CTNNA2: variants seen among roughly 807,000 people sequenced by gnomAD.
The protein encoded by CTNNA2 is catenin alpha-2.
Under a neutral mutation model 101.0 loss-of-function variants are expected in CTNNA2, and 42 were observed. The ratio of observed to expected loss-of-function variants is 0.42; its 90% CI spans 0.32 to 0.54. CTNNA2 has a LOEUF of 0.54. CTNNA2 is among the 20% of genes least tolerant of loss of function. The probability of loss-of-function intolerance (pLI) is 0.14; values close to 1 mark genes in which losing one functional copy is unlikely to be tolerated. For missense variants in CTNNA2, 871 were observed against 1,223.1 expected (o/e 0.71, Z 4.29); for synonymous variants, 450 against 456.4 (o/e 0.99, Z 0.18).
chr2:79,886,197 G>A (rs1466092877), intron 6 of CTNNA2, among the ~76,000 whole-genome samples: 1 of 152,170 alleles, frequency 6.6e-6, no homozygotes, highest in Non-Finnish European at 1.5e-5. Context: ...TGGAAGAGGA[G>A]GTAAATGAGC....
At chr2:79,856,001 T>A (rs1342687944) in intron 3 of CTNNA2, among the ~76,000 whole-genome samples, 1 of 152,194 alleles carries the variant, frequency 6.6e-6, no homozygotes, top group East Asian at 1.9e-4. Context: ...GAGGAGGAGA[T>A]GTATGTAACC....
At chr2:79,226,578 G>A (rs1476641983) in intron 2 of CTNNA2, among the ~76,000 whole-genome samples, 2 of 152,116 alleles carry the variant, frequency 1.3e-5, no homozygotes, top group Non-Finnish European at 2.9e-5. Flanking sequence ...TCAGGTGCCA[G>A]AATTTGCCGA....
intron 4 of CTNNA2, among the ~76,000 whole-genome samples, chr2:79,457,888 G>C (rs980571089): frequency 5.3e-5 from 8 of 152,216 alleles, no homozygotes; most frequent in Non-Finnish European, 8.8e-5. Context: ...ATAGTACCCT[G>C]ACTTAAAAGG....
At chr2:80,387,280 C>T (rs1286595407) in intron 7 of CTNNA2, among the ~76,000 whole-genome samples, 1 of 150,924 alleles carries the variant, frequency 6.6e-6, no homozygotes, top group African/African-American at 2.5e-5. Flanking sequence ...TAGAGCAAGA[C>T]TTTGTCTCAA....
At position 79,826,766 on chromosome 2, in the gene CTNNA2, T is replaced by G. The variant is rs918501580; in HGVS notation, c.299-31247T>G. 9.8e-4 allele frequency among the ~76,000 whole-genome samples: 149 copies of G among 152,318 alleles called. 1 individual carries two copies. Among genetic ancestry groups the G allele is most frequent in the African/African-American group, 3.5e-3 (147 of 41,558 alleles). On this transcript the variant is annotated intron_variant, in intron 3 of 18. Transcript: ENST00000402739. ...GTAGGCTTCTTTCTGAGTTCACAAGTGTAATCACCTCCAAACACAATCATC... is the reference window on the plus strand; with the variant it reads ...GTAGGCTTCTTTCTGAGTTCACAAGGGTAATCACCTCCAAACACAATCATC...
chr2:79,205,451 C>T (rs187573334), intron 2 of CTNNA2, among the ~76,000 whole-genome samples: 214 of 152,314 alleles, frequency 1.4e-3, no homozygotes, highest in African/African-American at 4.8e-3. Flanking sequence ...ATAGTTAGAA[C>T]AGCCCCTTTG....
At chr2:79,340,523 A>C (rs1172628487) in intron 3 of CTNNA2, among the ~76,000 whole-genome samples, 1 of 152,158 alleles carries the variant, frequency 6.6e-6, no homozygotes, top group Non-Finnish European at 1.5e-5. Flanking sequence ...GCCAGAGAAC[A>C]CTTAGATAAA....
Position 79,906,198 on chromosome 2 carries a change from T to C in CTNNA2, c.853-3396T>C, listed in dbSNP as rs1311874575. On this transcript the variant is annotated intron_variant, in intron 6 of 18. Coordinates refer to ENST00000402739, the MANE Select transcript of CTNNA2 (RefSeq NM_001282597.3). Reference sequence around the variant, plus strand: ...ATACTGTACCGACCCATTCATAGATTCATAAACACACACACAAATAGCACA... The same window carrying C: ...ATACTGTACCGACCCATTCATAGATCCATAAACACACACACAAATAGCACA... Among the ~76,000 whole-genome samples, 3 of 151,774 alleles carry C rather than the reference T, an allele frequency of 2.0e-5. No homozygotes were observed. In the South Asian group the frequency reaches 6.3e-4, roughly 32 times the overall value.
chr2:80,001,238 A>G (rs1231015817), intron 7 of CTNNA2, among the ~76,000 whole-genome samples: 1 of 152,154 alleles, frequency 6.6e-6, no homozygotes, highest in Non-Finnish European at 1.5e-5. Context: ...TGCCCATACA[A>G]TCAGTTAAAT....
At chr2:79,308,334 C>T (rs1275518315) in intron 2 of CTNNA2, among the ~76,000 whole-genome samples, 2 of 152,174 alleles carry the variant, frequency 1.3e-5, no homozygotes, top group African/African-American at 2.4e-5. Flanking sequence ...TCATGAGCCA[C>T]AGCGCCCAGC....
At chr2:80,055,279 T>C (rs1294881103) in intron 7 of CTNNA2, among the ~76,000 whole-genome samples, 1 of 152,128 alleles carries the variant, frequency 6.6e-6, no homozygotes, top group Non-Finnish European at 1.5e-5. Context: ...TCATCCCAAC[T>C]TTGCCTCCCT....
chr2:79,545,541 A>G (rs1673676626), intron 1 of CTNNA2, among the ~76,000 whole-genome samples: 1 of 152,226 alleles, frequency 6.6e-6, no homozygotes, highest in African/African-American at 2.4e-5. Context: ...TATCCTAATT[A>G]CATCAAACAC....
intron 2 of CTNNA2, among the ~76,000 whole-genome samples, chr2:79,204,032 G>A (rs1674070109): frequency 6.6e-6 from 1 of 152,168 alleles, no homozygotes; most frequent in Non-Finnish European, 1.5e-5. Context: ...AATAGCCAAG[G>A]GTTAAGACAT....
chr2:79,280,623 CTGTGTG>C lies in CTNNA2; in HGVS notation c.-405-32058_-405-32053del, dbSNP rs369268407. Among the ~76,000 whole-genome samples, 221 of 129,172 alleles carry C rather than the reference CTGTGTG, an allele frequency of 1.7e-3. 2 individuals carry two copies. Among genetic ancestry groups the C allele is most frequent in the African/African-American group, 5.2e-3 (171 of 32,802 alleles). The allele number at this position is 129,172 out of a possible 152,430, so 84.7% of individuals were successfully genotyped here. A position where few individuals can be genotyped will look rare whatever the true frequency, so the allele number is the denominator to read the frequency against. On this transcript the variant is annotated intron_variant, in intron 2 of 21. Coordinates refer to the CTNNA2 transcript ENST00000466387. Reference sequence around the variant, plus strand: ...AGTTGCCCAGCATTCATCCTGTATGCTGTGTGTGTGTGTGTGTGTGTGTGTGTGTGT... The same window carrying C: ...AGTTGCCCAGCATTCATCCTGTATGCTGTGTGTGTGTGTGTGTGTGTGTGT...
At chr2:79,315,222 G>GA (rs1439642889) in intron 3 of CTNNA2, among the ~76,000 whole-genome samples, 2 of 152,018 alleles carry the variant, frequency 1.3e-5, no homozygotes, top group Admixed American at 6.6e-5. Context: ...TTATTTGACT[G>GA]AAAAAATTGT....
At chr2:80,358,982 A>C (rs2597320) in intron 7 of CTNNA2, among the ~76,000 whole-genome samples, 1 of 152,144 alleles carries the variant, frequency 6.6e-6, no homozygotes, top group African/African-American at 2.4e-5. Flanking sequence ...ACAGAAATTG[A>C]TTCTAAAGCA....
intron 7 of CTNNA2, among the ~76,000 whole-genome samples, chr2:79,995,175 T>C (rs1692458631): frequency 6.6e-6 from 1 of 152,228 alleles, no homozygotes; most frequent in Non-Finnish European, 1.5e-5. Context: ...TGTTTCAGTC[T>C]GCTGAGAGGT....
chr2:79,703,079 A>C (rs1381123526), intron 2 of CTNNA2, among the ~76,000 whole-genome samples: 1 of 152,184 alleles, frequency 6.6e-6, no homozygotes, highest in South Asian at 2.1e-4. Flanking sequence ...AGACATCTAA[A>C]ATCTGAAACA....
At chr2:79,294,537 T>G (rs570987189) in intron 2 of CTNNA2, among the ~76,000 whole-genome samples, 1 of 152,274 alleles carries the variant, frequency 6.6e-6, no homozygotes, top group Non-Finnish European at 1.5e-5. Flanking sequence ...CTGTTCTCTC[T>G]TCCCCAAACC....
Sources: allele counts gnomAD v4.1 joint callset (sites outside exome capture counted in the v4.1 genomes callset), GRCh38; gene constraint gnomAD v4.1.1; transcripts MANE v1.5; gene names NCBI Gene and HGNC (gene_info 2026-07-23, HGNC 2026-07-21).